PRKCA: variants seen among roughly 807,000 people sequenced by gnomAD.
The protein encoded by PRKCA is protein kinase C alpha.
PRKCA carries 27 observed loss-of-function variants against 87.0 expected under a neutral mutation model. The ratio of observed to expected loss-of-function variants is 0.31; its 90% CI spans 0.23 to 0.43. The LOEUF (loss-of-function observed/expected upper bound fraction) is 0.43, where lower values mean the gene tolerates loss of function less well. Ranked by LOEUF, PRKCA falls within the 20% of genes least tolerant of loss-of-function variation. The pLI is 1.00. For missense variants in PRKCA, 518 were observed against 852.3 expected (o/e 0.61, Z 4.88); for synonymous variants, 329 against 311.1 (o/e 1.06, Z -0.61).
rs1447218501 is a variant in PRKCA, at chr17:66,730,278, C to T, written c.919-2410C>T. On this transcript the variant is annotated intron_variant, in intron 8 of 16. Coordinates refer to ENST00000413366, the MANE Select transcript of PRKCA (RefSeq NM_002737.3). ...CAGGGTGAACCCCAAAATTGGGGTT[C>T]AGCCTAAGAGGCCACATGGGTTCTT... 3.3e-5 allele frequency among the ~76,000 whole-genome samples: 5 copies of T among 152,136 alleles called. No individual in the cohort carries two copies. The East Asian group carries it at 5.8e-4, about 18-fold the overall frequency.
rs1037616777 is a variant in PRKCA at position 66,804,745 on chromosome 17, G to A, written c.*708G>A. 1 of 153,172 alleles carries A rather than the reference G, an allele frequency of 6.5e-6. No individual in the cohort carries two copies. Among genetic ancestry groups the A allele is most frequent in the Admixed American group, 6.5e-5 (1 of 15,278 alleles). 9.5% of individuals were successfully genotyped at this position (153,172 alleles called of 1,614,324 possible). On this transcript the variant is annotated 3_prime_UTR_variant, in exon 17 of 17. Coordinates refer to ENST00000413366, the MANE Select transcript of PRKCA (RefSeq NM_002737.3). ...TCTTGATACTTTTCATTCTTTGTAA[G>A]AGGCCAAATCGTCTAAGGACGTTGC...
chr17:66,384,063 A>G (rs991461536), intron 2 of PRKCA, among the ~76,000 whole-genome samples: 1 of 152,186 alleles, frequency 6.6e-6, no homozygotes, highest in Non-Finnish European at 1.5e-5. Context: ...TGTGTATTTA[A>G]TGGGGCACCT....
chr17:66,346,644 T>C (rs1907391282), intron 2 of PRKCA, among the ~76,000 whole-genome samples: 1 of 152,186 alleles, frequency 6.6e-6, no homozygotes, highest in African/African-American at 2.4e-5. Flanking sequence ...ATTAGAAATA[T>C]TATGTCCTAT....
Position 66,452,881 on chromosome 17 carries a change from AAAAC to A in PRKCA, c.206-43312_206-43309del, listed in dbSNP as rs1345369596. Among the ~76,000 whole-genome samples, 47 of 152,344 alleles carry A rather than the reference AAAAC, an allele frequency of 3.1e-4. No homozygotes were observed. The South Asian group carries it at 9.5e-3, about 31-fold the overall frequency. On this transcript the variant is annotated intron_variant, in intron 2 of 16. Transcript: ENST00000413366. ...TCCGTCTCAAAAACAAACAAACAAA[AAAAC>A]AAACAAAACACATAACTAGAAATTA...
chr17:66,386,142 G>A (rs760678055), intron 2 of PRKCA, among the ~76,000 whole-genome samples: 9 of 152,164 alleles, frequency 5.9e-5, no homozygotes, highest in South Asian at 2.1e-4. Flanking sequence ...TCGTTGTGTC[G>A]TTTAAGAACT....
At chr17:66,372,447 G>A (rs2143541809) in intron 2 of PRKCA, among the ~76,000 whole-genome samples, 1 of 152,208 alleles carries the variant, frequency 6.6e-6, no homozygotes, top group East Asian at 1.9e-4. Flanking sequence ...TTAAATGTAA[G>A]CAGTGATACA....
At chr17:66,460,084 G>T (rs1055188402) in intron 2 of PRKCA, among the ~76,000 whole-genome samples, 1 of 152,172 alleles carries the variant, frequency 6.6e-6, no homozygotes, top group Admixed American at 6.5e-5. Flanking sequence ...CACAGCTTTT[G>T]AAATAGGAAG....
chr17:66,665,557 C>A (rs996331654), intron 5 of PRKCA, among the ~76,000 whole-genome samples: 3 of 152,116 alleles, frequency 2.0e-5, no homozygotes, highest in African/African-American at 7.2e-5. Context: ...ACCTGCTAAG[C>A]ACTCACTCCT....
At chr17:66,637,095 A>G (rs564309272) in intron 3 of PRKCA, among the ~76,000 whole-genome samples, 1 of 152,232 alleles carries the variant, frequency 6.6e-6, no homozygotes, top group Admixed American at 6.5e-5. Flanking sequence ...CTCTTCCTAC[A>G]CCTCCAAACG....
intron 3 of PRKCA, among the ~76,000 whole-genome samples, chr17:66,637,873 G>C (rs1567947005): frequency 6.6e-6 from 1 of 152,128 alleles, no homozygotes; most frequent in Non-Finnish European, 1.5e-5. Flanking sequence ...CAAGTTCCAA[G>C]TGATGTGATG....
intron 1 of PRKCA, 57 bp downstream of exon 1, chr17:66,303,081 C>T (rs1052515830): frequency 1.5e-5 from 23 of 1,575,194 alleles, no homozygotes; most frequent in African/African-American, 1.1e-4. Flanking sequence ...GGTCCCGGCA[C>T]CCGGCGCTCC....
intron 8 of PRKCA, among the ~76,000 whole-genome samples, chr17:66,705,162 T>C (rs1973161803): frequency 6.6e-6 from 1 of 152,214 alleles, no homozygotes; most frequent in Non-Finnish European, 1.5e-5. Flanking sequence ...AACTGTGTGA[T>C]GTTAAGGGGG....
intron 2 of PRKCA, among the ~76,000 whole-genome samples, chr17:66,377,907 C>G (rs1007331475): frequency 6.6e-6 from 1 of 151,528 alleles, no homozygotes; most frequent in African/African-American, 2.4e-5. Flanking sequence ...GCATGAGCCC[C>G]TATCCCTGGC....
chr17:66,580,150 C>T (rs1969373415), intron 3 of PRKCA, among the ~76,000 whole-genome samples: 1 of 152,204 alleles, frequency 6.6e-6, no homozygotes. Flanking sequence ...GTTCATAACT[C>T]TGATGTGACT....
At chr17:66,377,750 G>T (rs1909546864) in intron 2 of PRKCA, among the ~76,000 whole-genome samples, 1 of 111,468 alleles carries the variant, frequency 9.0e-6, no homozygotes, top group Non-Finnish European at 1.7e-5. Flanking sequence ...TTTGAGGCAG[G>T]ACCTCACTCT....
chr17:66,558,418 G>A (rs549278483), intron 3 of PRKCA, among the ~76,000 whole-genome samples: 1 of 152,322 alleles, frequency 6.6e-6, no homozygotes, highest in South Asian at 2.1e-4. Context: ...CTTTAGCAGA[G>A]ACTTGGGGGA....
At chr17:66,401,566 A>G (rs1279564529) in intron 2 of PRKCA, among the ~76,000 whole-genome samples, 1 of 152,102 alleles carries the variant, frequency 6.6e-6, no homozygotes, top group African/African-American at 2.4e-5. Flanking sequence ...CTCTCTGCAG[A>G]CCACTCTGAG....
intron 5 of PRKCA, among the ~76,000 whole-genome samples, chr17:66,685,930 G>T (rs1400303945): frequency 6.6e-6 from 1 of 152,202 alleles, no homozygotes; most frequent in East Asian, 1.9e-4. Flanking sequence ...CCTCACCCCA[G>T]AGTTCTGATT....
At chr17:66,729,227 C>T (rs1052709913) in intron 8 of PRKCA, among the ~76,000 whole-genome samples, 1 of 152,000 alleles carries the variant, frequency 6.6e-6, no homozygotes, top group African/African-American at 2.4e-5. Flanking sequence ...CACAGCGAAA[C>T]CCCATATCTA....
Sources: allele counts gnomAD v4.1 joint callset (sites outside exome capture counted in the v4.1 genomes callset), GRCh38; gene constraint gnomAD v4.1.1; transcripts MANE v1.5; gene names NCBI Gene and HGNC (gene_info 2026-07-23, HGNC 2026-07-21).